MXRA7: variants seen among roughly 807,000 people sequenced by gnomAD.
MXRA7 encodes matrix remodeling associated 7.
Under a neutral mutation model 17.4 loss-of-function variants are expected in MXRA7, and 18 were observed. The observed-to-expected ratio is 1.03, with a 90% CI of 0.71 to 1.53. MXRA7 has a LOEUF of 1.53. Ranked by LOEUF, MXRA7 falls within the 40% of genes most tolerant of loss-of-function variation. MXRA7 has a pLI of 0.00. For synonymous variants in MXRA7, 70 were observed against 101.7 expected (o/e 0.69, Z 1.87); for missense variants, 141 against 209.3 (o/e 0.67, Z 2.01).
chr17:76,697,020 G>A (rs1293269500), intron 1 of MXRA7, among the ~76,000 whole-genome samples: 1 of 152,216 alleles, frequency 6.6e-6, no homozygotes, highest in African/African-American at 2.4e-5. Flanking sequence ...GGTCCCAGGA[G>A]TGTTCAGGCT....
chr17:76,684,841 G>A (rs1400547462), intron 3 of MXRA7, among the ~76,000 whole-genome samples: 1 of 152,138 alleles, frequency 6.6e-6, no homozygotes, highest in African/African-American at 2.4e-5. Context: ...ATCACCAGTG[G>A]CCTCCTTCTG....
At chr17:76,682,392 C>CTGCT (rs2076317403) in intron 3 of MXRA7, among the ~76,000 whole-genome samples, 1 of 152,156 alleles carries the variant, frequency 6.6e-6, no homozygotes, top group Non-Finnish European at 1.5e-5. Context: ...AGAGAGCACC[C>CTGCT]TGCTAGCTGG....
In MXRA7 at chr17:76,688,123, C is replaced by T. The variant is rs767555478; in HGVS notation, c.396G>A (p.Glu132=). 2.5e-6 allele frequency: 4 copies of T among 1,613,824 alleles called. No homozygotes were observed. The highest frequency in any genetic ancestry group is 4.5e-5 in the East Asian group (2 of 44,884). The stretch of plus-strand genomic sequence containing the variant: ...AGAGGTCCCACTCACCGTCCTCCTC[C>T]TCAGGCCCTTCCGATGATGGCCCCT... The part of the protein sequence containing the change: ...GEKGPSSEGP[E]EEDGEGFSFK... The change falls in exon 2 of 4, where the codon GAG becomes GAA. Residue 132 remains glutamate (E), a synonymous_variant. Transcript: ENST00000449428.
intron 1 of MXRA7, among the ~76,000 whole-genome samples, chr17:76,699,196 G>A (rs2076567057): frequency 6.6e-6 from 1 of 152,130 alleles, no homozygotes; most frequent in Non-Finnish European, 1.5e-5. Context: ...CCAGGCTGGA[G>A]TGCAGTGGTG....
At chr17:76,687,335 C>A (rs2076410769) in intron 2 of MXRA7, among the ~76,000 whole-genome samples, 1 of 152,238 alleles carries the variant, frequency 6.6e-6, no homozygotes, top group South Asian at 2.1e-4. Context: ...ATTCCTGAAA[C>A]CTTCTCTTTC....
chr17:76,678,784 A>T (rs969311508), downstream of MXRA7, among the ~76,000 whole-genome samples: 8 of 151,810 alleles, frequency 5.3e-5, no homozygotes, highest in African/African-American at 1.9e-4. Context: ...TCGCTCCCAT[A>T]CTTTTGCTAC....
intron 3 of MXRA7, chr17:76,684,656 C>A: frequency 2.3e-6 from 1 of 442,150 alleles, no homozygotes; most frequent in Non-Finnish European, 4.5e-6. Context: ...GGATGAGCAC[C>A]AAGAATCCGC....
intron 1 of MXRA7, among the ~76,000 whole-genome samples, chr17:76,702,658 T>A (rs1011901346): frequency 1.3e-5 from 2 of 152,002 alleles, no homozygotes; most frequent in Non-Finnish European, 2.9e-5. Flanking sequence ...GAGGCCAGCC[T>A]GGCCTGTAAC....
chr17:76,685,353 A>G (rs2286593), intron 2 of MXRA7, among the ~76,000 whole-genome samples, 188 bp from the exon 3 acceptor site: 102,977 of 152,050 alleles, frequency 0.68, 37,552 homozygotes, highest in Non-Finnish European at 0.82. Context: ...CTACAACGAG[A>G]CAGCCAGAGA....
chr17:76,690,733 G>T (rs1167985206), intron 1 of MXRA7, among the ~76,000 whole-genome samples: 1 of 152,092 alleles, frequency 6.6e-6, no homozygotes, highest in Non-Finnish European at 1.5e-5. Context: ...TTTGAGACAG[G>T]ATCTTGCTCT....
intron 1 of MXRA7, among the ~76,000 whole-genome samples, chr17:76,697,672 G>C (rs898774095): frequency 2.0e-5 from 3 of 152,168 alleles, no homozygotes; most frequent in Non-Finnish European, 4.4e-5. Context: ...AGGCGGGAGG[G>C]GGAAGGCAAA....
intron 3 of MXRA7, 99 bp downstream of exon 3, chr17:76,684,973 C>T (rs1406654152): frequency 2.1e-6 from 2 of 971,164 alleles, no homozygotes; most frequent in African/African-American, 1.6e-5. Context: ...CACCTCCTTT[C>T]TGGGCCCTTC....
chr17:76,680,728 C>A lies in MXRA7; in HGVS notation c.*139G>T. On this transcript the variant is annotated 3_prime_UTR_variant, in exon 4 of 4. Transcript: ENST00000449428. ...CAAGGGACAAGTCCTGATTGAGGGT[C>A]TAGAGCTCAGCAGATTTATGGAGGC... The A allele has an allele frequency of 1.4e-6, 2 of 1,480,272 alleles. No homozygotes were observed. The highest frequency in any genetic ancestry group is 2.2e-4 in the Middle Eastern group (1 of 4,450). 91.7% of individuals were successfully genotyped at this position (1,480,272 alleles called of 1,614,324 possible). A position where few individuals can be genotyped will look rare whatever the true frequency, so the allele number is the denominator to read the frequency against.
intron 1 of MXRA7, among the ~76,000 whole-genome samples, chr17:76,690,553 T>A (rs2076469531): frequency 6.6e-6 from 1 of 151,894 alleles, no homozygotes; most frequent in Non-Finnish European, 1.5e-5. Context: ...CTACTGAAAA[T>A]TTAAAAATTA....
chr17:76,710,369 C>T (rs1219798459), intron 1 of MXRA7, among the ~76,000 whole-genome samples: 1 of 152,192 alleles, frequency 6.6e-6, no homozygotes, highest in African/African-American at 2.4e-5. Context: ...CAAAACACCT[C>T]CAAACAAACT....
At chr17:76,684,985 G>T in intron 3 of MXRA7, 87 bp downstream of exon 3, 2 of 1,117,998 alleles carry the variant, frequency 1.8e-6, no homozygotes, top group Non-Finnish European at 2.7e-6. Flanking sequence ...GGGCCCTTCT[G>T]CCAAGGGGCA....
At position 76,685,134 on chromosome 17, in the gene MXRA7, C is replaced by T; in HGVS notation, c.438G>A (p.Gly146=). The change falls in exon 3 of 4, where the codon GGG becomes GGA. Residue 146 remains glycine, a synonymous_variant. Transcript: ENST00000449428. ...GEGFSFKYSP[G]KLRGNQYKKM... is the part of the protein sequence containing the mutation. ...TCTTGTACTGGTTTCCCCTCAGCTT[C>T]CCGGGGCTGTATTTGAAGGAGAAGC... The T allele has an allele frequency of 1.9e-6, 3 of 1,613,964 alleles. No homozygotes were observed. In the East Asian group the frequency reaches 6.7e-5, roughly 36 times the overall value.
intron 1 of MXRA7, among the ~76,000 whole-genome samples, chr17:76,702,890 T>TATATACATATACGTATATATATATATA (rs1251035840): frequency 6.7e-6 from 1 of 149,580 alleles, no homozygotes; most frequent in Non-Finnish European, 1.5e-5. Flanking sequence ...TATATATATA[T>TATATACATATACGTATATATATATATA]CTTGAGGAGG....
In MXRA7 at chr17:76,687,845, G is replaced by A. The variant is rs564205559; in HGVS notation, c.406+268C>T. On this transcript the variant is annotated intron_variant, in intron 2 of 3. Transcript: ENST00000449428. ...GAGTTAGGAGGCAGCGCAGGACAGA[G>A]CCAGGCAGGGCGTGTAGTGTGTTCC... is the stretch of plus-strand genomic sequence containing the variant. 7.2e-5 allele frequency among the ~76,000 whole-genome samples: 11 copies of A among 152,366 alleles called. No homozygotes were observed. The East Asian group carries it at 1.7e-3, about 24-fold the overall frequency.
Sources: gnomAD v4.1 joint callset for allele counts (sites outside exome capture counted in the v4.1 genomes callset) on GRCh38, gnomAD v4.1.1 for gene constraint, MANE v1.5 for transcripts, NCBI Gene and HGNC (gene_info 2026-07-23, HGNC 2026-07-21) for gene names.